The following TRPM6 variants were observed in gnomAD, a reference collection of about 807,000 sequenced individuals.
TRPM6 encodes channel kinase 2.
TRPM6 carries 111 observed loss-of-function variants against 247.6 expected under a neutral mutation model. The observed-to-expected ratio is 0.45, with a 90% CI of 0.38 to 0.52. TRPM6 has a LOEUF of 0.52. TRPM6 is among the 20% of genes least tolerant of loss of function. The pLI, the probability that TRPM6 is intolerant of heterozygous loss-of-function variation, is 0.00. For missense variants in TRPM6, 2,126 were observed against 2,421.5 expected, an observed-to-expected ratio of 0.88 and a Z score of 2.56; for synonymous variants, 892 against 853.8, an observed-to-expected ratio of 1.04 and a Z score of -0.78.
intron 8 of TRPM6, 49 bp from the exon 9 acceptor site, chr9:74,820,476 C>T (rs1231071925): frequency 1.9e-6 from 3 of 1,611,518 alleles, no homozygotes; most frequent in Admixed American, 1.7e-5. Flanking sequence ...GGGGAATGAG[C>T]CGGCAACATC....
intron 2 of TRPM6, among the ~76,000 whole-genome samples, chr9:74,856,584 T>A (rs1830533480): frequency 6.6e-6 from 1 of 152,066 alleles, no homozygotes; most frequent in South Asian, 2.1e-4. Context: ...AAACTAATAT[T>A]CAGGACTTTT....
intron 33 of TRPM6, 43 bp from the exon 34 acceptor site, chr9:74,740,052 T>C (rs555492254): frequency 5.9e-5 from 94 of 1,603,172 alleles, no homozygotes; most frequent in Non-Finnish European, 7.0e-5. Flanking sequence ...AAGATTGCCA[T>C]GTCTGTGACA....
intron 36 of TRPM6, chr9:74,737,282 T>C (rs1439070939): frequency 1.1e-6 from 1 of 934,622 alleles, no homozygotes. Flanking sequence ...TGCACTTATA[T>C]GTAGTTTAAA....
At chr9:74,868,393 G>GAGTAT (rs1226862675) in intron 1 of TRPM6, among the ~76,000 whole-genome samples, 4 of 152,060 alleles carry the variant, frequency 2.6e-5, no homozygotes, top group Admixed American at 6.6e-5. Flanking sequence ...TACTCGGGAG[G>GAGTAT]CTGAGGCAGG....
intron 9 of TRPM6, 54 bp from the exon 10 acceptor site, chr9:74,817,018 C>T (rs971370423): frequency 1.0e-5 from 15 of 1,442,998 alleles, no homozygotes; most frequent in Middle Eastern, 1.7e-4. Flanking sequence ...CAAATAAATG[C>T]TTTCAAAGAG....
chr9:74,852,098 C>T (rs1019435926), intron 3 of TRPM6, among the ~76,000 whole-genome samples: 4 of 151,644 alleles, frequency 2.6e-5, no homozygotes, highest in South Asian at 4.2e-4. Context: ...ACTGTACCAC[C>T]GCACTTCAGC....
rs569687956 is a variant in TRPM6 at position 74,803,184 on chromosome 9, T to C, written c.1731+610A>G. On this transcript the variant is annotated intron_variant, in intron 15 of 38. Transcript: ENST00000360774. ...TACCAGGAGCTATGGAAAGCAAACC[T>C]CTTTCAGCTAACATAATAACCATTT... 2.8e-4 allele frequency among the ~76,000 whole-genome samples: 43 copies of C among 152,232 alleles called. 2 individuals are homozygous for C. The South Asian group carries it at 5.6e-3, about 20-fold the overall frequency.
In TRPM6 at chr9:74,762,669, G is replaced by C. The variant is rs1173141167; in HGVS notation, c.4002C>G (p.Asn1334Lys). The C allele has an allele frequency of 6.2e-7, 1 of 1,614,058 alleles. No individual in the cohort carries two copies. Among genetic ancestry groups the C allele is most frequent in the Non-Finnish European group, 8.5e-7 (1 of 1,180,044 alleles). The change falls in exon 26 of 39, where the codon AAC (asparagine) becomes AAG (lysine). Residue 1334 changes from asparagine (N) to lysine (K), a missense_variant. Asn to Lys is a moderately conservative substitution (Grantham distance 94). Around this residue, in one of 3 missense-constraint regions of TRPM6, gnomAD observed 717 missense variants for 715.9 expected, o/e 1.00. Coordinates refer to ENST00000360774, the MANE Select transcript of TRPM6 (RefSeq NM_017662.5). ...SSIVVSGVSP[N>K]RQAHSKYGQF... ...GGCCATACTTTGAGTGTGCTTGCCT[G>C]TTAGGAGACACCCCAGAAACCACTA... is the stretch of plus-strand genomic sequence containing the variant.
At chr9:74,748,440 T>C (rs1303323284) in intron 30 of TRPM6, among the ~76,000 whole-genome samples, 2 of 152,194 alleles carry the variant, frequency 1.3e-5, no homozygotes, top group African/African-American at 4.8e-5. Context: ...GAAGAAGGCA[T>C]TGTTATCATA....
At chr9:74,811,004 C>A in intron 12 of TRPM6, 136 bp from the exon 13 acceptor site, 2 of 684,230 alleles carry the variant, frequency 2.9e-6, no homozygotes, top group Non-Finnish European at 5.1e-6. Flanking sequence ...AATGCTTAAG[C>A]CAATTAATTC....
chr9:74,738,684 T>A (rs1825769204), intron 35 of TRPM6, 72 bp from the exon 36 acceptor site: 12 of 1,338,048 alleles, frequency 9.0e-6, no homozygotes, highest in Non-Finnish European at 1.3e-5. Flanking sequence ...TGAGCAGTCA[T>A]CAGCAGGGAA....
intron 25 of TRPM6, among the ~76,000 whole-genome samples, chr9:74,770,445 C>A (rs1426652357): frequency 6.6e-6 from 1 of 152,164 alleles, no homozygotes; most frequent in Non-Finnish European, 1.5e-5. Flanking sequence ...TATTTTCACA[C>A]GATGCCATGC....
chr9:74,739,590 A>C lies in TRPM6; in HGVS notation c.5487+133T>G, dbSNP rs1465572518. ...CCTGCCCCAAAAGCAAAAGTCCTAC[A>C]AAGCAATACTACCTCTAAAAAATAA... On this transcript the variant is annotated intron_variant, in intron 34 of 38. Coordinates refer to ENST00000360774, the MANE Select transcript of TRPM6 (RefSeq NM_017662.5). The C allele has an allele frequency of 2.6e-6, 4 of 1,518,810 alleles. No homozygotes were observed. The African/African-American group carries it at 5.5e-5, about 21-fold the overall frequency. The allele number at this position is 1,518,810 out of a possible 1,614,324, so 94.1% of individuals were successfully genotyped here. A position where few individuals can be genotyped will look rare whatever the true frequency, so the allele number is the denominator to read the frequency against.
Position 74,762,827 on chromosome 9 carries a change from A to G in TRPM6, c.3844T>C (p.Leu1282=), listed in dbSNP as rs764286834. Residue 1282 remains leucine (L), a synonymous_variant, in exon 26 of 39, where the codon TTG becomes CTG. Coordinates refer to ENST00000360774, the MANE Select transcript of TRPM6 (RefSeq NM_017662.5). ...KYQYYSMPSS[L]LRSLAGGRHP... is the part of the protein sequence containing the mutation. ...CGGCCTCCAGCCAGGCTCCTCAGCA[A>G]AGAAGAGGGCATGCTATAATACTGG... The G allele has an allele frequency of 1.2e-6, 2 of 1,614,098 alleles. No individual in the cohort carries two copies. Among genetic ancestry groups the G allele is most frequent in the Non-Finnish European group, 1.7e-6 (2 of 1,180,022 alleles).
intron 31 of TRPM6, among the ~76,000 whole-genome samples, chr9:74,746,450 T>G (rs1042751224): frequency 6.6e-6 from 1 of 152,160 alleles, no homozygotes; most frequent in African/African-American, 2.4e-5. Context: ...GAGACACCTT[T>G]TAGACCTCCA....
At position 74,761,984 on chromosome 9, in the gene TRPM6, A is replaced by G; in HGVS notation, c.4672+15T>C. The G allele has an allele frequency of 6.2e-7, 1 of 1,611,580 alleles. No individual in the cohort carries two copies. On this transcript the variant is annotated intron_variant, in intron 26 of 38. Transcript: ENST00000360774. The stretch of plus-strand genomic sequence containing the variant: ...AAAGGACTTAATGCTGATATTTTAA[A>G]TGTTTATTCCTTACTTTTAATCTTA...
intron 25 of TRPM6, among the ~76,000 whole-genome samples, chr9:74,766,128 G>C (rs963301017): frequency 1.3e-5 from 2 of 152,184 alleles, no homozygotes; most frequent in African/African-American, 4.8e-5. Context: ...AGTTCCATTA[G>C]CAGCAGTCAC....
At chr9:74,819,963 G>C (rs1829082001) in intron 9 of TRPM6, among the ~76,000 whole-genome samples, 2 of 152,140 alleles carry the variant, frequency 1.3e-5, no homozygotes, top group Non-Finnish European at 2.9e-5. Flanking sequence ...AAATCAAAAT[G>C]AAAAATCCAC....
chr9:74,809,987 A>C (rs968248020), intron 13 of TRPM6, among the ~76,000 whole-genome samples: 3 of 147,404 alleles, frequency 2.0e-5, no homozygotes, highest in Non-Finnish European at 3.1e-5. Context: ...AAAAAAAAAA[A>C]AAAAAAAAAA....
Sources: gnomAD v4.1 joint callset for allele counts (sites outside exome capture counted in the v4.1 genomes callset) on GRCh38, gnomAD v4.1.1 for gene constraint, gnomAD v4.1.1 regional missense constraint, MANE v1.5 for transcripts, NCBI Gene and HGNC (gene_info 2026-07-23, HGNC 2026-07-21) for gene names.